Variants in TBC1D5 observed in about 807,000 individuals in gnomAD.
TBC1D5 encodes TBC1 domain family, member 5.
TBC1D5 carries 75 observed loss-of-function variants against 100.3 expected under a neutral mutation model. The observed-to-expected ratio is 0.75, with a 90% confidence interval of 0.62 to 0.91. The LOEUF (loss-of-function observed/expected upper bound fraction) is 0.91, where lower values mean the gene tolerates loss of function less well. Among genes scored for constraint, TBC1D5 ranks in the 40% least tolerant of loss-of-function variants. The probability of loss-of-function intolerance (pLI) is 0.00; values close to 1 mark genes in which losing one functional copy is unlikely to be tolerated. For missense variants in TBC1D5, 910 were observed against 942.4 expected, an observed-to-expected ratio of 0.97 and a Z score of 0.45; for synonymous variants, 323 against 325.6, an observed-to-expected ratio of 0.99 and a Z score of 0.09.
In TBC1D5 at chr3:17,669,245, T is replaced by C. The variant is rs1194643522; in HGVS notation, c.-100-45332A>G. On this transcript the variant is annotated intron_variant, in intron 1 of 21. Transcript: ENST00000253692. Reference sequence around the variant, plus strand: ...GAGTTTGCTTCCCCTTCCACCATGATTGTAAGTTTCCTGAGGCCTTCCCAG... The same window carrying C: ...GAGTTTGCTTCCCCTTCCACCATGACTGTAAGTTTCCTGAGGCCTTCCCAG... Among the ~76,000 whole-genome samples, 16 of 152,268 alleles carry C rather than the reference T, an allele frequency of 1.1e-4. No homozygotes were observed. The East Asian group carries it at 2.7e-3, about 26-fold the overall frequency.
chr3:17,600,584 C>T (rs536661227), intron 2 of TBC1D5, among the ~76,000 whole-genome samples: 7 of 151,904 alleles, frequency 4.6e-5, no homozygotes, highest in South Asian at 2.1e-4. Flanking sequence ...GAAAAATGTT[C>T]GATGAGGTTA....
chr3:17,327,781 T>C (rs564892737), intron 13 of TBC1D5, among the ~76,000 whole-genome samples: 1 of 152,308 alleles, frequency 6.6e-6, no homozygotes, highest in South Asian at 2.1e-4. Flanking sequence ...TAACAGCAAG[T>C]TCGATAGGGC....
upstream of TBC1D5, among the ~76,000 whole-genome samples, chr3:17,742,177 C>G (rs1203905468): frequency 6.6e-6 from 1 of 152,184 alleles, no homozygotes; most frequent in African/African-American, 2.4e-5. Flanking sequence ...CCTGCCCGCC[C>G]TGCCCGCCAG....
At chr3:17,354,990 T>C (rs975757427) in intron 13 of TBC1D5, among the ~76,000 whole-genome samples, 7 of 152,128 alleles carry the variant, frequency 4.6e-5, no homozygotes, top group Admixed American at 1.3e-4. Context: ...TGACCTAAAA[T>C]AGTTTTGAAC....
At chr3:17,344,495 G>T (rs945630920) in intron 13 of TBC1D5, among the ~76,000 whole-genome samples, 79 of 151,188 alleles carry the variant, frequency 5.2e-4, no homozygotes, top group African/African-American at 1.8e-3. Flanking sequence ...TACTGCCCAA[G>T]GTAATTTATA....
chr3:17,320,504 T>C (rs976228251), intron 13 of TBC1D5, among the ~76,000 whole-genome samples: 3 of 152,226 alleles, frequency 2.0e-5, no homozygotes, highest in African/African-American at 2.4e-5. Flanking sequence ...GAAGTTTTAG[T>C]GATTCCTAAC....
intron 2 of TBC1D5, among the ~76,000 whole-genome samples, chr3:17,584,584 A>C (rs1176287270): frequency 6.6e-6 from 1 of 152,216 alleles, no homozygotes; most frequent in African/African-American, 2.4e-5. Flanking sequence ...AGTAAAATTA[A>C]ATGTAATAAA....
intron 3 of TBC1D5, among the ~76,000 whole-genome samples, chr3:17,493,078 T>G (rs1187909086): frequency 6.6e-6 from 1 of 152,218 alleles, no homozygotes; most frequent in Non-Finnish European, 1.5e-5. Context: ...TAATGGTTTT[T>G]CCTTTCCATA....
At chr3:17,185,768 G>A (rs1559371052) in intron 18 of TBC1D5, among the ~76,000 whole-genome samples, 1 of 151,946 alleles carries the variant, frequency 6.6e-6, no homozygotes, top group East Asian at 1.9e-4. Context: ...CTTAAAATGT[G>A]AGATTTCCTA....
At chr3:17,408,394 G>A (rs770552225) in intron 4 of TBC1D5, among the ~76,000 whole-genome samples, 3 of 151,662 alleles carry the variant, frequency 2.0e-5, no homozygotes, top group Non-Finnish European at 4.4e-5. Flanking sequence ...CTTTAGCCTT[G>A]AACTCCTTGG....
intron 19 of TBC1D5, among the ~76,000 whole-genome samples, chr3:17,174,263 TGTTCTACCTGGCACCAAAGGTGCCAG>T (rs534765935): frequency 7.5e-4 from 114 of 152,310 alleles, no homozygotes; most frequent in African/African-American, 2.7e-3. Flanking sequence ...GAAACTGCAC[TGTTCTACCTGGCACCAAAGGTGCCAG>T]GTTCTAAATA....
At chr3:17,191,583 A>C (rs1335350097) in intron 18 of TBC1D5, among the ~76,000 whole-genome samples, 2 of 152,242 alleles carry the variant, frequency 1.3e-5, no homozygotes, top group African/African-American at 4.8e-5. Flanking sequence ...TAACTTGTGG[A>C]ACATTTATAA....
intron 13 of TBC1D5, among the ~76,000 whole-genome samples, chr3:17,354,934 T>C (rs1001455567): frequency 2.0e-5 from 3 of 151,864 alleles, no homozygotes. Context: ...GAATAGAAAT[T>C]TGTTGTTGTC....
chr3:17,386,550 AC>A (rs2093160399), intron 8 of TBC1D5, among the ~76,000 whole-genome samples: 1 of 152,118 alleles, frequency 6.6e-6, no homozygotes, highest in Non-Finnish European at 1.5e-5. Context: ...CACAGCTTAC[AC>A]GTCTGCCAAT....
intron 3 of TBC1D5, among the ~76,000 whole-genome samples, chr3:17,446,908 T>C (rs552828843): frequency 6.6e-6 from 1 of 150,894 alleles, no homozygotes; most frequent in East Asian, 2.0e-4. Context: ...GAGGCGGAGC[T>C]TGCAGTGAGC....
At chr3:17,702,390 A>G (rs1386017837) in intron 1 of TBC1D5, 1 of 152,136 alleles carries the variant, frequency 6.6e-6, no homozygotes, top group Non-Finnish European at 1.5e-5. Flanking sequence ...TATTTAACAG[A>G]TACCTAATTG....
intron 13 of TBC1D5, chr3:17,338,418 C>T (rs959774): frequency 0.089 from 13,589 of 152,142 alleles, 1,389 homozygotes; most frequent in African/African-American, 0.25. Context: ...GCAGCTACTT[C>T]CCTTCATCTG....
chr3:17,534,775 T>G (rs2096266978), intron 2 of TBC1D5, among the ~76,000 whole-genome samples: 1 of 152,198 alleles, frequency 6.6e-6, no homozygotes, highest in Non-Finnish European at 1.5e-5. Flanking sequence ...TTAAAGGAAC[T>G]AATGTATTAC....
At chr3:17,674,843 G>A (rs146521975) in intron 1 of TBC1D5, among the ~76,000 whole-genome samples, 2,520 of 152,006 alleles carry the variant, frequency 0.017, 53 homozygotes, top group South Asian at 0.048. Context: ...GTCACAAGGT[G>A]GGGAAAATGA....
Sources: gnomAD v4.1 joint callset for allele counts (sites outside exome capture counted in the v4.1 genomes callset) on GRCh38, gnomAD v4.1.1 for gene constraint, MANE v1.5 for transcripts, NCBI Gene and HGNC (gene_info 2026-07-23, HGNC 2026-07-21) for gene names.